The following ITGB8 variants were observed in gnomAD, a reference collection of about 807,000 sequenced individuals.
ITGB8 encodes integrin beta-8.
Under a neutral mutation model 89.5 loss-of-function variants are expected in ITGB8, and 30 were observed. The observed-to-expected ratio is 0.34, with a 90% CI of 0.25 to 0.45. The LOEUF (loss-of-function observed/expected upper bound fraction) is 0.45, where lower values mean the gene tolerates loss of function less well. ITGB8 is among the 20% of genes least tolerant of loss of function. The pLI, the probability that ITGB8 is intolerant of heterozygous loss-of-function variation, is 1.00. For missense variants in ITGB8, 836 were observed against 933.3 expected (o/e 0.90, Z 1.36); for synonymous variants, 335 against 320.4 (o/e 1.05, Z -0.49).
Position 20,412,349 on chromosome 7 carries a change from C to T in ITGB8, c.*2352C>T, listed in dbSNP as rs1057183702. The T allele has an allele frequency of 4.6e-5, 7 of 152,466 alleles. No homozygotes were observed. Among genetic ancestry groups the T allele is most frequent in the Non-Finnish European group, 8.8e-5 (6 of 68,004 alleles). The allele number at this position is 152,466 out of a possible 1,614,324, so 9.4% of individuals were successfully genotyped here. A position where few individuals can be genotyped will look rare whatever the true frequency, so the allele number is the denominator to read the frequency against. ...GGGTTTAGTAGCCTAATACACATAACGTTCTTCTTAAAAAGGAAAATGGAT... is the reference window on the plus strand; with the variant it reads ...GGGTTTAGTAGCCTAATACACATAATGTTCTTCTTAAAAAGGAAAATGGAT... On this transcript the variant is annotated 3_prime_UTR_variant, in exon 14 of 14. Transcript: ENST00000222573.
chr7:20,353,617 A>G (rs1472602060), intron 1 of ITGB8, among the ~76,000 whole-genome samples: 1 of 152,214 alleles, frequency 6.6e-6, no homozygotes, highest in Non-Finnish European at 1.5e-5. Flanking sequence ...TGAACTACAC[A>G]ATATCAGAAG....
At chr7:20,342,746 G>A (rs1011620689) in intron 1 of ITGB8, among the ~76,000 whole-genome samples, 6 of 151,954 alleles carry the variant, frequency 3.9e-5, no homozygotes, top group Admixed American at 2.0e-4. Context: ...ACTTTAGGTT[G>A]TTCAAGACCA....
Position 20,412,690 on chromosome 7 carries a change from T to G in ITGB8, c.*2693T>G, listed in dbSNP as rs1244201006. 1.3e-5 allele frequency: 2 copies of G among 152,600 alleles called. No homozygotes were observed. Among genetic ancestry groups the G allele is most frequent in the African/African-American group, 4.8e-5 (2 of 41,438 alleles). 9.5% of individuals were successfully genotyped at this position (152,600 alleles called of 1,614,324 possible). On this transcript the variant is annotated 3_prime_UTR_variant, in exon 14 of 14. Transcript: ENST00000222573. ...CAAAGTCTTGTGCTTATCTTTTTTG[T>G]TTTTACTTAAAAAGCTAATTTTTAA...
chr7:20,332,364 G>T (rs1041326725), intron 1 of ITGB8, among the ~76,000 whole-genome samples: 1 of 152,146 alleles, frequency 6.6e-6, no homozygotes, highest in Non-Finnish European at 1.5e-5. Flanking sequence ...TGGTTATAAT[G>T]GGAGTAGTCT....
chr7:20,399,329 TATA>T (rs1787212253), intron 9 of ITGB8, among the ~76,000 whole-genome samples: 1 of 152,156 alleles, frequency 6.6e-6, no homozygotes, highest in Non-Finnish European at 1.5e-5. Flanking sequence ...TGTCTGTACT[TATA>T]ATAATGATAA....
chr7:20,390,706 G>A (rs1786818653), intron 6 of ITGB8, among the ~76,000 whole-genome samples: 2 of 152,044 alleles, frequency 1.3e-5, no homozygotes, highest in African/African-American at 4.8e-5. Context: ...CTTACTGCAT[G>A]CAAGAAAATG....
rs1787153283 is a variant in ITGB8 at position 20,397,915 on chromosome 7, C to T, written c.1147-945C>T. 6.6e-5 allele frequency among the ~76,000 whole-genome samples: 10 copies of T among 152,002 alleles called. No individual in the cohort carries two copies. In the South Asian group the frequency reaches 2.1e-3, roughly 32 times the overall value. Reference sequence around the variant, plus strand: ...TTATTTTTCTTTTCATAACCCGCTGCTCACTCTCTTTCTTTAGGCACATAC... The same window carrying T: ...TTATTTTTCTTTTCATAACCCGCTGTTCACTCTCTTTCTTTAGGCACATAC... On this transcript the variant is annotated intron_variant, in intron 8 of 13. Transcript: ENST00000222573.
intron 1 of ITGB8, among the ~76,000 whole-genome samples, chr7:20,360,076 A>G (rs1456465910): frequency 6.6e-6 from 1 of 152,124 alleles, no homozygotes; most frequent in Non-Finnish European, 1.5e-5. Flanking sequence ...CAGGACCAAC[A>G]TTTCTCTCTC....
At chr7:20,354,444 CAGTT>C (rs2128133032) in intron 1 of ITGB8, among the ~76,000 whole-genome samples, 1 of 152,254 alleles carries the variant, frequency 6.6e-6, no homozygotes, top group South Asian at 2.1e-4. Context: ...GAAAATTCAT[CAGTT>C]AGGAATTGTG....
intron 1 of ITGB8, among the ~76,000 whole-genome samples, chr7:20,359,533 C>T (rs1013602034): frequency 2.0e-5 from 3 of 152,138 alleles, no homozygotes; most frequent in Non-Finnish European, 4.4e-5. Context: ...GGCAAATGAA[C>T]TAGGTAGACC....
intron 1 of ITGB8, chr7:20,353,361 A>G (rs999951814): frequency 1.3e-5 from 2 of 152,214 alleles, no homozygotes; most frequent in Non-Finnish European, 2.9e-5. Context: ...AAACCTACCT[A>G]TTGAGAACCA....
intron 3 of ITGB8, among the ~76,000 whole-genome samples, chr7:20,367,659 T>C (rs1031469222): frequency 4.7e-5 from 7 of 149,694 alleles, no homozygotes; most frequent in Admixed American, 1.3e-4. Context: ...GATTAAAAGT[T>C]TATTACAAAG....
intron 1 of ITGB8, chr7:20,346,926 T>C: frequency 8.3e-6 from 7 of 845,094 alleles, no homozygotes; most frequent in Non-Finnish European, 1.0e-5. Flanking sequence ...AAAATTCATG[T>C]GTTGAAATCT....
At position 20,406,166 on chromosome 7, in the gene ITGB8, C is replaced by T. The variant is rs1787535562; in HGVS notation, c.2018C>T (p.Thr673Ile). ...GAACAACAGCATTATGTCGACCAAA[C>T]TTCAGGTAGGCCAAAGCTTAATAAT... ...LMEQQHYVDQ[T>I]SECFSSPSYL... The change falls in exon 12 of 14, where the codon ACT becomes ATT. Residue 673 changes from threonine to isoleucine, a missense_variant. This residue lies in a region of ITGB8 where 422 missense variants were observed against 416.9 expected (regional missense o/e 1.01). Coordinates refer to ENST00000222573, the MANE Select transcript of ITGB8 (RefSeq NM_002214.3). 6.3e-7 allele frequency: 1 copy of T among 1,582,052 alleles called. No individual in the cohort carries two copies. Among genetic ancestry groups the T allele is most frequent in the South Asian group, 1.1e-5 (1 of 90,314 alleles).
intron 6 of ITGB8, among the ~76,000 whole-genome samples, chr7:20,390,247 A>G (rs1321947973): frequency 6.6e-6 from 1 of 152,190 alleles, no homozygotes; most frequent in African/African-American, 2.4e-5. Flanking sequence ...GCTCAGTTAC[A>G]TACTAATCTT....
chr7:20,402,109 A>G lies in ITGB8; in HGVS notation c.1670A>G (p.His557Arg). Residue 557 changes from histidine (H) to arginine (R), a missense_variant, in exon 10 of 14, where the codon CAT becomes CGT. His to Arg is a conservative substitution (Grantham distance 29, BLOSUM62 0). Transcript: ENST00000222573. ...GATGACTTTTCTTGTCCATATCACCATGGAAATCTGTGTGCTGGTGAGTAT... is the reference window on the plus strand; with the variant it reads ...GATGACTTTTCTTGTCCATATCACCGTGGAAATCTGTGTGCTGGTGAGTAT... ...EKDDFSCPYH[H>R]GNLCAGHGEC... The G allele has an allele frequency of 6.2e-7, 1 of 1,612,236 alleles. No homozygotes were observed. The highest frequency in any genetic ancestry group is 1.7e-4 in the Middle Eastern group (1 of 6,054).
intron 3 of ITGB8, 69 bp from the exon 4 acceptor site, chr7:20,378,982 A>C: frequency 1.5e-6 from 2 of 1,313,978 alleles, no homozygotes; most frequent in Non-Finnish European, 2.1e-6. Context: ...AATGTGACTA[A>C]TTTATTAAGA....
At chr7:20,348,880 A>G (rs545519414) in intron 1 of ITGB8, among the ~76,000 whole-genome samples, 1 of 152,234 alleles carries the variant, frequency 6.6e-6, no homozygotes, top group Non-Finnish European at 1.5e-5. Flanking sequence ...TGAACTCTGC[A>G]TAAAACTAAC....
rs371148544 is a variant in ITGB8, at chr7:20,402,146, G to C, written c.1687+20G>C. 22 of 1,568,264 alleles carry C rather than the reference G, an allele frequency of 1.4e-5. 1 individual carries two copies. In the African/African-American group the frequency reaches 2.7e-4, roughly 19 times the overall value. ...GTGCTGGTGAGTATAAATATATACA[G>C]GCAGCTTTTACTTGTCACTATTACA... On this transcript the variant is annotated intron_variant, in intron 10 of 13. Transcript: ENST00000222573.
Sources: allele counts gnomAD v4.1 joint callset (sites outside exome capture counted in the v4.1 genomes callset), GRCh38; gene constraint gnomAD v4.1.1; regional missense constraint gnomAD v4.1.1; transcripts MANE v1.5; gene names NCBI Gene and HGNC (gene_info 2026-07-23, HGNC 2026-07-21).